Variants in BNIP5 observed in about 807,000 individuals in gnomAD.
BNIP5 encodes BCL2 interacting protein 5, also known as protein BNIP5.
In BNIP5, 61 loss-of-function variants were observed where a neutral mutation model predicts 67.3. That is an observed-to-expected ratio of 0.91 (90% CI 0.74 to 1.12). The LOEUF (loss-of-function observed/expected upper bound fraction) is 1.12. BNIP5 is among the 50% of genes most tolerant of loss of function. The pLI is 0.00. For missense variants in BNIP5, 826 were observed against 816.3 expected (o/e 1.01, Z -0.14); for synonymous variants, 317 against 319.0 (o/e 0.99, Z 0.07).
chr6:36,333,697 C>A (rs1358528690), intron 1 of BNIP5, among the ~76,000 whole-genome samples: 1 of 152,220 alleles, frequency 6.6e-6, no homozygotes, highest in African/African-American at 2.4e-5. Flanking sequence ...ATGTCCCATT[C>A]CCCTGCATCT....
intron 1 of BNIP5, among the ~76,000 whole-genome samples, chr6:36,336,158 A>G (rs1387026100): frequency 6.6e-6 from 1 of 152,224 alleles, no homozygotes; most frequent in Non-Finnish European, 1.5e-5. Context: ...GCAGTAGACC[A>G]TGAGTTATTT....
chr6:36,335,668 C>T (rs1771998021), intron 1 of BNIP5, among the ~76,000 whole-genome samples: 1 of 152,190 alleles, frequency 6.6e-6, no homozygotes, highest in South Asian at 2.1e-4. Context: ...AGCCACACGG[C>T]GTCCAGAGAG....
intron 3 of BNIP5, 39 bp from the exon 4 acceptor site, chr6:36,327,133 T>C: frequency 6.4e-7 from 1 of 1,566,528 alleles, no homozygotes; most frequent in Non-Finnish European, 8.8e-7. Context: ...TCTTTCTAAA[T>C]GCACTGACAA....
At chr6:36,332,132 C>T (rs146746660) in intron 1 of BNIP5, among the ~76,000 whole-genome samples, 61 of 152,096 alleles carry the variant, frequency 4.0e-4, no homozygotes, top group African/African-American at 1.4e-3. Context: ...GCCTCCATCA[C>T]CCCTCTGACC....
chr6:36,323,183 G>T, intron 8 of BNIP5, 110 bp downstream of exon 8: 1 of 1,450,314 alleles, frequency 6.9e-7, no homozygotes, highest in Non-Finnish European at 9.4e-7. Flanking sequence ...AGGGCTTTCA[G>T]CAACAGTGGA....
At position 36,321,142 on chromosome 6, in the gene BNIP5, G is replaced by C; in HGVS notation, c.1668+13C>G. ...CCCTGGGGTTGGCCTGGGGAGGGCT[G>C]AGTGGTACTCACCTGCTGCCCCAGT... On this transcript the variant is annotated intron_variant, in intron 10 of 11. Coordinates refer to ENST00000437635, the MANE Select transcript of BNIP5 (RefSeq NM_001010903.5). 2 of 1,572,510 alleles carry C rather than the reference G, an allele frequency of 1.3e-6. No individual in the cohort carries two copies. Among genetic ancestry groups the C allele is most frequent in the Non-Finnish European group, 1.7e-6 (2 of 1,157,014 alleles).
intron 6 of BNIP5, 145 bp downstream of exon 6, chr6:36,325,138 C>T: frequency 1.2e-6 from 1 of 860,648 alleles, no homozygotes; most frequent in Non-Finnish European, 1.8e-6. Context: ...GGCTCTGGGC[C>T]CCAAGCTGCC....
chr6:36,325,227 G>A (rs1399458411), intron 6 of BNIP5, 56 bp downstream of exon 6: 1 of 1,574,128 alleles, frequency 6.4e-7, no homozygotes, highest in Admixed American at 1.7e-5. Context: ...TGCAAGTGGG[G>A]GAGTCAGAAC....
At chr6:36,325,523 G>C in intron 5 of BNIP5, 109 bp from the exon 6 acceptor site, 1 of 1,322,742 alleles carries the variant, frequency 7.6e-7, no homozygotes, top group South Asian at 1.4e-5. Flanking sequence ...ATCACATTAA[G>C]GACTTATGGG....
chr6:36,322,521 G>A, intron 8 of BNIP5, 79 bp from the exon 9 acceptor site: 2 of 1,466,602 alleles, frequency 1.4e-6, no homozygotes, highest in Non-Finnish European at 1.8e-6. Context: ...CGGAGGCACA[G>A]GCATAAGCAG....
intron 3 of BNIP5, among the ~76,000 whole-genome samples, chr6:36,327,311 T>C (rs1771787663): frequency 6.6e-6 from 1 of 152,178 alleles, no homozygotes; most frequent in Admixed American, 6.5e-5. Context: ...AAATTTCAGG[T>C]CAGCCCTTCA....
At chr6:36,330,733 TGTTTG>T (rs769837641) in intron 1 of BNIP5, 39 bp from the exon 2 acceptor site, 119 of 1,514,516 alleles carry the variant, frequency 7.9e-5, no homozygotes, top group Non-Finnish European at 1.0e-4. Context: ...TTTTTTTGTT[TGTTTG>T]TTTTGATTTG....
Position 36,323,520 on chromosome 6 carries a change from T to G in BNIP5, c.1244A>C (p.Gln415Pro). The G allele has an allele frequency of 1.2e-6, 2 of 1,614,162 alleles. No homozygotes were observed. The highest frequency in any genetic ancestry group is 1.7e-6 in the Non-Finnish European group (2 of 1,180,030). The part of the protein sequence containing the change: ...EQQGEEQPQV[Q>P]QEEVGVENPA... ...GTTTTCTACACCCACCTCTTCCTGCTGGACTTGAGGTTGCTGTGGGGGAGA... is the reference window on the plus strand; with the variant it reads ...GTTTTCTACACCCACCTCTTCCTGCGGGACTTGAGGTTGCTGTGGGGGAGA... Residue 415 changes from glutamine (Q) to proline (P), a missense_variant, in exon 8 of 12, where the codon CAG becomes CCG. Coordinates refer to ENST00000437635, the MANE Select transcript of BNIP5 (RefSeq NM_001010903.5).
At position 36,330,080 on chromosome 6, in the gene BNIP5, C is replaced by T; in HGVS notation, c.610+1G>A. The T allele has an allele frequency of 1.3e-6, 2 of 1,599,454 alleles. No individual in the cohort carries two copies. The highest frequency in any genetic ancestry group is 1.7e-6 in the Non-Finnish European group (2 of 1,177,024). On this transcript the variant is annotated splice_donor_variant, in intron 2 of 11. Coordinates refer to ENST00000437635, the MANE Select transcript of BNIP5 (RefSeq NM_001010903.5). LOFTEE classifies it high-confidence loss of function. ...CATAGGAACAGGCACGGTCCGCTCA[C>T]CCCTGCGAGCTGGGCCCAGGTCAGC...
In BNIP5 at chr6:36,318,371, A is replaced by C. The variant is rs146072659; in HGVS notation, c.1924-980T>G. Among the ~76,000 whole-genome samples, 105 of 152,166 alleles carry C rather than the reference A, an allele frequency of 6.9e-4. 1 individual carries two copies. In the East Asian group the frequency reaches 0.011, roughly 15 times the overall value. On this transcript the variant is annotated intron_variant, in intron 11 of 11. Coordinates refer to ENST00000437635, the MANE Select transcript of BNIP5 (RefSeq NM_001010903.5). The stretch of plus-strand genomic sequence containing the variant: ...TAAGTGAATTAGAAAAGGATGAAGA[A>C]ATCTTTATCAGAGTCCACCAGAAAA...
At chr6:36,332,031 G>A (rs760490859) in intron 1 of BNIP5, among the ~76,000 whole-genome samples, 36 of 152,016 alleles carry the variant, frequency 2.4e-4, no homozygotes, top group Non-Finnish European at 4.7e-4. Flanking sequence ...GCAGCTGTGG[G>A]GGCTTTTAAA....
At chr6:36,326,973 G>T in intron 4 of BNIP5, 57 bp downstream of exon 4, 1 of 1,242,206 alleles carries the variant, frequency 8.1e-7, no homozygotes, top group Non-Finnish European at 1.1e-6. Flanking sequence ...GAGCTTGGCA[G>T]AGGAGGAGGA....
In BNIP5 at chr6:36,316,275, G is replaced by A; in HGVS notation, c.*1081C>T. 1 of 380,560 alleles carries A rather than the reference G, an allele frequency of 2.6e-6. No homozygotes were observed. The highest frequency in any genetic ancestry group is 3.7e-5 in the East Asian group (1 of 26,780). 23.6% of individuals were successfully genotyped at this position (380,560 alleles called of 1,614,324 possible). A position where few individuals can be genotyped will look rare whatever the true frequency, so the allele number is the denominator to read the frequency against. Reference sequence around the variant, plus strand: ...TGGGCAGTGTCCAAGGGAGCCGACTGTCTGTCTACAGTCTTGTCCTTCCTG... The same window carrying A: ...TGGGCAGTGTCCAAGGGAGCCGACTATCTGTCTACAGTCTTGTCCTTCCTG... On this transcript the variant is annotated 3_prime_UTR_variant, in exon 12 of 12. Coordinates refer to ENST00000437635, the MANE Select transcript of BNIP5 (RefSeq NM_001010903.5).
At chr6:36,326,297 G>A (rs1375630992) in intron 5 of BNIP5, among the ~76,000 whole-genome samples, 1 of 152,202 alleles carries the variant, frequency 6.6e-6, no homozygotes, top group African/African-American at 2.4e-5. Flanking sequence ...GGCTTATTGG[G>A]GTTGCCTAGA....
Sources: allele counts gnomAD v4.1 joint callset (sites outside exome capture counted in the v4.1 genomes callset), GRCh38; gene constraint gnomAD v4.1.1; transcripts MANE v1.5; gene names NCBI Gene and HGNC (gene_info 2026-07-23, HGNC 2026-07-21).